The following UGT1A10 variants were observed in gnomAD, a reference collection of about 807,000 sequenced individuals.
The protein encoded by UGT1A10 is UDP glucuronosyltransferase family 1 member A10, also known as UDP-glucuronosyltransferase 1A10.
A neutral mutation model predicts 45.8 loss-of-function variants in UGT1A10; 49 were observed. That is an observed-to-expected ratio of 1.07 (90% CI 0.85 to 1.36). UGT1A10 has a LOEUF of 1.36. UGT1A10 is among the 40% of genes most tolerant of loss of function. The pLI, the probability that UGT1A10 is intolerant of heterozygous loss-of-function variation, is 0.00. For synonymous variants in UGT1A10, 284 were observed against 249.7 expected, an observed-to-expected ratio of 1.14 and a Z score of -1.29; for missense variants, 745 against 668.6, an observed-to-expected ratio of 1.11 and a Z score of -1.26.
rs531758684 is a variant in UGT1A10, at chr2:233,682,883, G to T, written c.855+45506G>T. 9 of 1,511,366 alleles carry T rather than the reference G, an allele frequency of 6.0e-6. No individual in the cohort carries two copies. The South Asian group carries it at 1.2e-4, about 21-fold the overall frequency. The allele number at this position is 1,511,366 out of a possible 1,614,324, so 93.6% of individuals were successfully genotyped here. ...GAATCATAATTTATCATTTACATTT[G>T]TCCCATTTGGAATTTCTTTCTGGTT... On this transcript the variant is annotated intron_variant, in intron 1 of 4. Transcript: ENST00000344644.
intron 1 of UGT1A10, chr2:233,729,685 T>C (rs1293517562): frequency 6.2e-7 from 1 of 1,613,978 alleles, no homozygotes; most frequent in Admixed American, 1.7e-5. Context: ...GGGCACACAG[T>C]GTCCAAACCC....
chr2:233,667,327 A>G (rs1476897889), intron 1 of UGT1A10, among the ~76,000 whole-genome samples: 1 of 152,238 alleles, frequency 6.6e-6, no homozygotes, highest in African/African-American at 2.4e-5. Flanking sequence ...CTGGCTAGCC[A>G]TTTGTAGAAA....
intron 1 of UGT1A10, among the ~76,000 whole-genome samples, chr2:233,659,147 T>G (rs1256677861): frequency 6.6e-6 from 1 of 152,216 alleles, no homozygotes; most frequent in Admixed American, 6.5e-5. Flanking sequence ...TTGATCAGAT[T>G]TATCCCTAAG....
intron 1 of UGT1A10, among the ~76,000 whole-genome samples, chr2:233,700,008 C>T (rs750443440): frequency 1.3e-5 from 2 of 152,192 alleles, no homozygotes; most frequent in Admixed American, 1.3e-4. Context: ...CAAAATGTCA[C>T]GAGTGCTGAA....
At chr2:233,668,596 G>T (rs2125497492) in intron 1 of UGT1A10, among the ~76,000 whole-genome samples, 1 of 152,296 alleles carries the variant, frequency 6.6e-6, no homozygotes, top group South Asian at 2.1e-4. Context: ...GGGTCAAATG[G>T]TATTTCTAGT....
intron 1 of UGT1A10, chr2:233,747,248 T>G: frequency 3.1e-6 from 5 of 1,601,666 alleles, no homozygotes; most frequent in Non-Finnish European, 4.3e-6. Context: ...CTGCTGTGGC[T>G]GGCCACAGGA....
intron 1 of UGT1A10, chr2:233,718,733 C>T: frequency 6.2e-6 from 10 of 1,611,470 alleles, no homozygotes; most frequent in Non-Finnish European, 8.5e-6. Flanking sequence ...TGCTAGGTGG[C>T]TCAATGACAA....
At chr2:233,705,828 A>T (rs968618860) in intron 1 of UGT1A10, among the ~76,000 whole-genome samples, 2 of 152,176 alleles carry the variant, frequency 1.3e-5, no homozygotes, top group Admixed American at 1.3e-4. Flanking sequence ...GGCCGAGCAC[A>T]GTGGCTGGAG....
intron 1 of UGT1A10, chr2:233,672,269 C>T (rs576749742): frequency 3.1e-6 from 5 of 1,613,874 alleles, no homozygotes; most frequent in South Asian, 1.1e-5. Context: ...TTAATGGGTT[C>T]ATACAATGAC....
At chr2:233,719,723 G>T (rs2076800151) in intron 1 of UGT1A10, 9 of 1,613,628 alleles carry the variant, frequency 5.6e-6, no homozygotes, top group Non-Finnish European at 6.8e-6. Flanking sequence ...CAATGTTCCA[G>T]GCAAAACACT....
At chr2:233,720,751 G>C (rs2076887751) in intron 1 of UGT1A10, among the ~76,000 whole-genome samples, 1 of 150,928 alleles carries the variant, frequency 6.6e-6, no homozygotes, top group African/African-American at 2.4e-5. Context: ...TGTCGCCCAG[G>C]CTGGAGGGCA....
intron 1 of UGT1A10, among the ~76,000 whole-genome samples, chr2:233,667,348 G>C (rs1245129864): frequency 1.3e-5 from 2 of 152,164 alleles, no homozygotes; most frequent in African/African-American, 2.4e-5. Flanking sequence ...GCTGAAACTG[G>C]ATCCCTTCCT....
intron 1 of UGT1A10, among the ~76,000 whole-genome samples, chr2:233,764,153 T>C (rs1331955474): frequency 6.6e-6 from 1 of 152,218 alleles, no homozygotes; most frequent in Non-Finnish European, 1.5e-5. Context: ...TTTTGGCTGG[T>C]GAAGTCTCAT....
intron 1 of UGT1A10, among the ~76,000 whole-genome samples, chr2:233,692,624 A>T (rs907640758): frequency 6.6e-6 from 1 of 152,204 alleles, no homozygotes; most frequent in African/African-American, 2.4e-5. Flanking sequence ...TCATGGACAT[A>T]ACAGACAACG....
chr2:233,641,851 G>T (rs879789989), intron 1 of UGT1A10, among the ~76,000 whole-genome samples: 7 of 152,064 alleles, frequency 4.6e-5, no homozygotes, highest in African/African-American at 1.7e-4. Context: ...GCCTGTAAGG[G>T]TTCCACTGAA....
chr2:233,638,525 T>C (rs1204285401), intron 1 of UGT1A10, among the ~76,000 whole-genome samples: 3 of 152,210 alleles, frequency 2.0e-5, no homozygotes, highest in Non-Finnish European at 2.9e-5. Context: ...TATTGAGTAA[T>C]ATTGTTAGAG....
chr2:233,682,586 C>T, intron 1 of UGT1A10: 1 of 1,613,922 alleles, frequency 6.2e-7, no homozygotes. Flanking sequence ...CTTGGAGGAA[C>T]ATTTATTTTG....
chr2:233,650,621 C>CT (rs140495717), intron 1 of UGT1A10, among the ~76,000 whole-genome samples: 44 of 152,174 alleles, frequency 2.9e-4, no homozygotes, highest in Non-Finnish European at 5.0e-4. Flanking sequence ...TTCCCATTAA[C>CT]TTTTTTTTAA....
rs61740163 is a variant in UGT1A10 at position 233,729,805 on chromosome 2, T to G, written c.856-37229T>G. ...GGCCCTGTCCTACATTTGCCATGCT[T>G]TTTCTGCTCCTTATGCAAGCCTTGC... On this transcript the variant is annotated intron_variant, in intron 1 of 4. Coordinates refer to ENST00000344644, the MANE Select transcript of UGT1A10 (RefSeq NM_019075.4). 2.8e-4 allele frequency: 444 copies of G among 1,610,698 alleles called. 1 individual carries two copies. The African/African-American group carries it at 4.6e-3, about 17-fold the overall frequency.
Sources: gnomAD v4.1 joint callset for allele counts (sites outside exome capture counted in the v4.1 genomes callset) on GRCh38, gnomAD v4.1.1 for gene constraint, MANE v1.5 for transcripts, NCBI Gene and HGNC (gene_info 2026-07-23, HGNC 2026-07-21) for gene names.